The following DPYSL4 variants were observed in gnomAD, a reference collection of about 807,000 sequenced individuals.
The protein encoded by DPYSL4 is dihydropyrimidinase like 4, also known as dihydropyrimidinase-related protein 4.
DPYSL4 carries 43 observed loss-of-function variants against 63.4 expected under a neutral mutation model. The observed-to-expected ratio is 0.68, with a 90% CI of 0.53 to 0.88. DPYSL4 has a LOEUF of 0.88. Ranked by LOEUF, DPYSL4 falls within the 40% of genes least tolerant of loss-of-function variation. DPYSL4 has a pLI of 0.00. For missense variants in DPYSL4, 733 were observed against 819.5 expected (o/e 0.89, Z 1.29); for synonymous variants, 353 against 331.7 (o/e 1.06, Z -0.70).
At chr10:132,203,970 C>A in intron 13 of DPYSL4, 43 bp downstream of exon 13, 2 of 1,563,016 alleles carry the variant, frequency 1.3e-6, no homozygotes, top group Non-Finnish European at 1.7e-6. Flanking sequence ...GGGGCTCTGC[C>A]GGAGCATCCA....
chr10:132,196,113 G>A (rs2061940181), intron 4 of DPYSL4, among the ~76,000 whole-genome samples: 1 of 152,234 alleles, frequency 6.6e-6, no homozygotes, highest in South Asian at 2.1e-4. Flanking sequence ...GTGTGCCTTA[G>A]CTTGTCACAC....
intron 3 of DPYSL4, among the ~76,000 whole-genome samples, chr10:132,193,334 C>T (rs1232327125): frequency 1.3e-5 from 2 of 152,224 alleles, no homozygotes; most frequent in Admixed American, 1.3e-4. Context: ...CAAAAAATAA[C>T]CCGAGTTGCT....
Position 132,203,865 on chromosome 10 carries a change from G to T in DPYSL4, c.1565G>T (p.Cys522Phe), listed in dbSNP as rs756552742. The part of the protein sequence containing the change: ...PGSGAPARAS[C>F]PGKISVPPVR... ...AGTGGCGCTCCGGCCCGCGCGTCCT[G>T]CCCAGGCAAGATCTCCGTCCCTCCT... The change falls in exon 13 of 14, where the codon TGC becomes TTC. Residue 522 changes from cysteine (C) to phenylalanine (F), a missense_variant. Cys to Phe is a radical substitution (Grantham distance 205). Transcript: ENST00000338492. The T allele has an allele frequency of 6.2e-7, 1 of 1,612,908 alleles. No individual in the cohort carries two copies. The highest frequency in any genetic ancestry group is 1.3e-5 in the African/African-American group (1 of 74,948).
chr10:132,190,605 C>T (rs1319576744), intron 1 of DPYSL4, 142 bp from the exon 2 acceptor site: 11 of 707,420 alleles, frequency 1.6e-5, no homozygotes, highest in Admixed American at 5.9e-5. Context: ...AATAGTAAGC[C>T]GCTGCAGGCT....
Position 132,187,022 on chromosome 10 carries a change from C to G in DPYSL4, c.-42C>G. On this transcript the variant is annotated 5_prime_UTR_variant, in exon 1 of 14. Coordinates refer to ENST00000338492, the MANE Select transcript of DPYSL4 (RefSeq NM_006426.3). The stretch of plus-strand genomic sequence containing the variant: ...CCCCGCCCGCCCGCCCGCCCGCCCG[C>G]CCCCGCTTGTGCCGCCCCTACCAGA... 2.8e-6 allele frequency: 1 copy of G among 363,234 alleles called. No homozygotes were observed. Among genetic ancestry groups the G allele is most frequent in the South Asian group, 5.4e-5 (1 of 18,564 alleles). The allele number at this position is 363,234 out of a possible 1,614,324, so 22.5% of individuals were successfully genotyped here. A position where few individuals can be genotyped will look rare whatever the true frequency, so the allele number is the denominator to read the frequency against.
Position 132,205,510 on chromosome 10 carries a change from G to A in DPYSL4, c.*580G>A, listed in dbSNP as rs2062085585. On this transcript the variant is annotated 3_prime_UTR_variant, in exon 14 of 14. Transcript: ENST00000338492. ...GGTGCAGCACAGCCCCGCCCGTGGA[G>A]GGTCCCTTTTACGCACCCCAAGGCC... The A allele has an allele frequency of 6.6e-6, 1 of 152,638 alleles. No individual in the cohort carries two copies. Among genetic ancestry groups the A allele is most frequent in the Non-Finnish European group, 1.5e-5 (1 of 68,162 alleles). The allele number at this position is 152,638 out of a possible 1,614,324, so 9.5% of individuals were successfully genotyped here. A position where few individuals can be genotyped will look rare whatever the true frequency, so the allele number is the denominator to read the frequency against.
At chr10:132,201,118 C>T (rs748997629) in intron 10 of DPYSL4, 135 bp downstream of exon 10, 10 of 1,306,142 alleles carry the variant, frequency 7.7e-6, no homozygotes, top group African/African-American at 3.0e-5. Context: ...TCCGGGGTGG[C>T]GGATTCCCCA....
intron 1 of DPYSL4, among the ~76,000 whole-genome samples, chr10:132,187,454 C>T (rs1362442818): frequency 6.6e-6 from 1 of 151,912 alleles, no homozygotes; most frequent in Non-Finnish European, 1.5e-5. Flanking sequence ...GCGGCCTGTC[C>T]CTCGGAGCGC....
In DPYSL4 at chr10:132,194,946, G is replaced by A. The variant is rs746308759; in HGVS notation, c.415G>A (p.Val139Met). 10 of 1,611,668 alleles carry A rather than the reference G, an allele frequency of 6.2e-6. No homozygotes were observed. Among genetic ancestry groups the A allele is most frequent in the African/African-American group, 5.3e-5 (4 of 74,908 alleles). ...GGCCTGCTGCGACTACTCCCTGCAC[G>A]TGGACATCACCCGATGGCATGAGAG... is the stretch of plus-strand genomic sequence containing the variant. ...SAACCDYSLH[V>M]DITRWHESIK... The change falls in exon 4 of 14, where the codon GTG becomes ATG. Residue 139 changes from valine to methionine, a missense_variant. Physicochemically the swap from Val to Met is conservative, Grantham distance 21 (BLOSUM62 1). Coordinates refer to ENST00000338492, the MANE Select transcript of DPYSL4 (RefSeq NM_006426.3).
chr10:132,196,496 A>C (rs2061946284), intron 4 of DPYSL4, among the ~76,000 whole-genome samples: 1 of 152,186 alleles, frequency 6.6e-6, no homozygotes, highest in Non-Finnish European at 1.5e-5. Context: ...CCGCACTTCC[A>C]GGAGGGAGCC....
At chr10:132,193,159 C>T (rs1018433257) in intron 3 of DPYSL4, among the ~76,000 whole-genome samples, 4 of 151,974 alleles carry the variant, frequency 2.6e-5, no homozygotes, top group Admixed American at 1.3e-4. Flanking sequence ...ATGCCTTGGG[C>T]GAGGGGAGGG....
Position 132,203,794 on chromosome 10 carries a change from G to C in DPYSL4, c.1494G>C (p.Leu498=), listed in dbSNP as rs2062055314. 1 of 1,612,096 alleles carries C rather than the reference G, an allele frequency of 6.2e-7. No individual in the cohort carries two copies. Among genetic ancestry groups the C allele is most frequent in the Admixed American group, 1.7e-5 (1 of 59,972 alleles). ...LAEIHGVPRG[L]YDGPVHEVMV... ...AGATCCACGGTGTGCCCCGTGGACT[G>C]TATGACGGGCCCGTCCACGAGGTGA... is the stretch of plus-strand genomic sequence containing the variant. Residue 498 remains leucine, a synonymous_variant, in exon 13 of 14, where the codon CTG becomes CTC. Coordinates refer to ENST00000338492, the MANE Select transcript of DPYSL4 (RefSeq NM_006426.3).
At chr10:132,197,394 G>A (rs2061959985) in intron 6 of DPYSL4, among the ~76,000 whole-genome samples, 1 of 152,210 alleles carries the variant, frequency 6.6e-6, no homozygotes, top group Admixed American at 6.5e-5. Flanking sequence ...AGGGATCGAG[G>A]CCCCTCCTGT....
At chr10:132,199,894 G>A (rs1461074778) in intron 8 of DPYSL4, among the ~76,000 whole-genome samples, 7 of 151,036 alleles carry the variant, frequency 4.6e-5, no homozygotes, top group East Asian at 4.0e-4. Context: ...TACCCCACCC[G>A]CCAGGCTCTT....
rs201872011 is a variant in DPYSL4, at chr10:132,201,917, G to A, written c.1111-29G>A. 587 of 1,596,008 alleles carry A rather than the reference G, an allele frequency of 3.7e-4. 7 individuals are homozygous for A. In the South Asian group the frequency reaches 5.9e-3, roughly 16 times the overall value. On this transcript the variant is annotated intron_variant, in intron 10 of 13. Transcript: ENST00000338492. The stretch of plus-strand genomic sequence containing the variant: ...AAGCCTCACCCCAACCCCACCCGTC[G>A]CCCTCAGCTCAGCCTTCTTGTTCCC...
intron 1 of DPYSL4, among the ~76,000 whole-genome samples, chr10:132,190,072 C>G (rs1180795292): frequency 6.6e-6 from 1 of 152,250 alleles, no homozygotes; most frequent in African/African-American, 2.4e-5. Context: ...TATCAGCCAC[C>G]CTGGCCCCAG....
rs1479964350 is a variant in DPYSL4, at chr10:132,196,813, TTGTC to T, written c.479-45_479-42del. The T allele has an allele frequency of 2.5e-6, 4 of 1,604,844 alleles. No homozygotes were observed. The Admixed American group carries it at 6.7e-5, about 27-fold the overall frequency. Reference sequence around the variant, plus strand: ...GCAGGAGCAGCAGAGGCTCCGTAGGTTGTCTGACTGGTGATGGCTGAGCCTCTGA... The same window carrying T: ...GCAGGAGCAGCAGAGGCTCCGTAGGTTGACTGGTGATGGCTGAGCCTCTGA... On this transcript the variant is annotated intron_variant, in intron 4 of 13. Coordinates refer to ENST00000338492, the MANE Select transcript of DPYSL4 (RefSeq NM_006426.3).
rs565155470 is a variant in DPYSL4, at chr10:132,194,324, G to T, written c.314-521G>T. ...GCAGTGTTCGGGCCTTGGGTGTGTG[G>T]TTGGTGGGGCAGCAGCATGATGGCT... On this transcript the variant is annotated intron_variant, in intron 3 of 13. Transcript: ENST00000338492. Among the ~76,000 whole-genome samples, 4 of 152,382 alleles carry T rather than the reference G, an allele frequency of 2.6e-5. No individual in the cohort carries two copies. In the South Asian group the frequency reaches 8.3e-4, roughly 32 times the overall value.
intron 1 of DPYSL4, among the ~76,000 whole-genome samples, chr10:132,188,996 C>T (rs1320662591): frequency 1.3e-5 from 2 of 152,248 alleles, no homozygotes; most frequent in African/African-American, 4.8e-5. Context: ...TAGATGTCAG[C>T]AGTGAATCCT....
Sources: gnomAD v4.1 joint callset for allele counts (sites outside exome capture counted in the v4.1 genomes callset) on GRCh38, gnomAD v4.1.1 for gene constraint, MANE v1.5 for transcripts, NCBI Gene and HGNC (gene_info 2026-07-23, HGNC 2026-07-21) for gene names.